PALS1: variants seen among roughly 807,000 people sequenced by gnomAD.
The protein encoded by PALS1 is protein associated with LIN7 1, MAGUK p55 family member.
A neutral mutation model predicts 78.9 loss-of-function variants in PALS1; 31 were observed. The ratio of observed to expected loss-of-function variants is 0.39; its 90% CI spans 0.30 to 0.53. The LOEUF (loss-of-function observed/expected upper bound fraction) is 0.53, where lower values mean the gene tolerates loss of function less well. PALS1 is among the 20% of genes least tolerant of loss of function. The probability of loss-of-function intolerance (pLI) is 0.67; values close to 1 mark genes in which losing one functional copy is unlikely to be tolerated. For synonymous variants in PALS1, 276 were observed against 270.9 expected, an observed-to-expected ratio of 1.02 and a Z score of -0.18; for missense variants, 704 against 826.5, an observed-to-expected ratio of 0.85 and a Z score of 1.82.
intron 1 of PALS1, among the ~76,000 whole-genome samples, chr14:67,254,921 C>G (rs1018476442): frequency 2.6e-5 from 4 of 152,174 alleles, no homozygotes; most frequent in African/African-American, 9.7e-5. Flanking sequence ...GAGGCCAAGG[C>G]GGGCAGATCA....
At chr14:67,288,589 C>G (rs1018156461) in intron 3 of PALS1, among the ~76,000 whole-genome samples, 1 of 152,172 alleles carries the variant, frequency 6.6e-6, no homozygotes, top group African/African-American at 2.4e-5. Flanking sequence ...TTATGCAAAG[C>G]TTAACTGCTT....
intron 13 of PALS1, among the ~76,000 whole-genome samples, chr14:67,322,787 A>G (rs1336925786): frequency 6.6e-6 from 1 of 152,208 alleles, no homozygotes; most frequent in Non-Finnish European, 1.5e-5. Context: ...TGTTTTAATC[A>G]TCTTAATGTT....
At chr14:67,276,993 A>G (rs1215188230) in intron 2 of PALS1, among the ~76,000 whole-genome samples, 1 of 152,186 alleles carries the variant, frequency 6.6e-6, no homozygotes, top group Non-Finnish European at 1.5e-5. Context: ...AGTAATTGTT[A>G]TAGAGAGGGT....
intron 3 of PALS1, among the ~76,000 whole-genome samples, chr14:67,291,329 A>G (rs2084769791): frequency 6.6e-6 from 1 of 151,830 alleles, no homozygotes; most frequent in Admixed American, 6.6e-5. Flanking sequence ...CCTGGGTTCA[A>G]GTGATTCTCC....
chr14:67,246,799 G>C (rs1245087752), intron 1 of PALS1, among the ~76,000 whole-genome samples: 1 of 151,856 alleles, frequency 6.6e-6, no homozygotes, highest in South Asian at 2.1e-4. Flanking sequence ...TTATAAGCGC[G>C]CACCACCACG....
At chr14:67,242,702 A>G (rs896097880) in intron 1 of PALS1, among the ~76,000 whole-genome samples, 1 of 151,974 alleles carries the variant, frequency 6.6e-6, no homozygotes, top group African/African-American at 2.4e-5. Context: ...TTGCGGCAGG[A>G]TGAGCTATTA....
intron 2 of PALS1, among the ~76,000 whole-genome samples, chr14:67,277,780 A>C (rs1220134873): frequency 6.6e-6 from 1 of 152,168 alleles, no homozygotes; most frequent in Non-Finnish European, 1.5e-5. Flanking sequence ...TAATTAATGT[A>C]AGTATACATT....
rs1048237322 is a variant in PALS1, at chr14:67,333,499, T to C, written c.*543T>C. On this transcript the variant is annotated 3_prime_UTR_variant, in exon 15 of 15. Coordinates refer to ENST00000261681, the MANE Select transcript of PALS1 (RefSeq NM_022474.4). ...AATAAAAAACAAAATGGTGCCACTT[T>C]GGGTTGAAGCTACTTTGTTAGGCTT... is the stretch of plus-strand genomic sequence containing the variant. 3 of 152,634 alleles carry C rather than the reference T, an allele frequency of 2.0e-5. No homozygotes were observed. Among genetic ancestry groups the C allele is most frequent in the Admixed American group, 6.5e-5 (1 of 15,280 alleles). The allele number at this position is 152,634 out of a possible 1,614,324, so 9.5% of individuals were successfully genotyped here. A position where few individuals can be genotyped will look rare whatever the true frequency, so the allele number is the denominator to read the frequency against.
chr14:67,324,029 G>A (rs1013586546), intron 14 of PALS1, among the ~76,000 whole-genome samples: 9 of 152,156 alleles, frequency 5.9e-5, no homozygotes, highest in African/African-American at 1.9e-4. Flanking sequence ...ACCTTTGAGC[G>A]TCTTCACATG....
intron 14 of PALS1, among the ~76,000 whole-genome samples, chr14:67,332,237 G>GATAA (rs2085461332): frequency 6.6e-6 from 1 of 152,068 alleles, no homozygotes; most frequent in South Asian, 2.1e-4. Context: ...TTTGTAAAAT[G>GATAA]GCCCTTTCCT....
Position 67,305,124 on chromosome 14 carries a change from T to A in PALS1, c.1041+1525T>A, listed in dbSNP as rs560658797. On this transcript the variant is annotated intron_variant, in intron 8 of 14. Coordinates refer to ENST00000261681, the MANE Select transcript of PALS1 (RefSeq NM_022474.4). ...TCTGTGCATTGTGCTGTTCCCTGTA[T>A]CTCTTCTGTGTATAAGCCCTGAACT... 3.3e-5 allele frequency among the ~76,000 whole-genome samples: 5 copies of A among 152,334 alleles called. No individual in the cohort carries two copies. In the South Asian group the frequency reaches 1.0e-3, roughly 32 times the overall value.
intron 8 of PALS1, among the ~76,000 whole-genome samples, chr14:67,305,642 G>C (rs1212234122): frequency 6.6e-6 from 1 of 152,186 alleles, no homozygotes; most frequent in Non-Finnish European, 1.5e-5. Context: ...TTCTGTAAAA[G>C]AAAAGCCATT....
rs576065366 is a variant in PALS1, at chr14:67,278,497, A to T, written c.-153-521A>T. 1.3e-3 allele frequency among the ~76,000 whole-genome samples: 193 copies of T among 152,300 alleles called. 11 individuals carry two copies. The South Asian group carries it at 0.039, about 30-fold the overall frequency. ...TCTCAAAAACTCTTAAAGATGAATT[A>T]TCCCCCAGAATACTGCTTGTATTTC... On this transcript the variant is annotated intron_variant, in intron 2 of 14. Transcript: ENST00000261681.
At chr14:67,253,681 CA>C (rs1340196276) in intron 1 of PALS1, among the ~76,000 whole-genome samples, 1 of 151,906 alleles carries the variant, frequency 6.6e-6, no homozygotes, top group Non-Finnish European at 1.5e-5. Flanking sequence ...CCTGTACCTA[CA>C]AAAAATACAA....
At chr14:67,306,827 T>C (rs1253238374) in intron 8 of PALS1, among the ~76,000 whole-genome samples, 3 of 152,236 alleles carry the variant, frequency 2.0e-5, no homozygotes, top group Admixed American at 2.0e-4. Context: ...GGTTGACATA[T>C]GCAGAATAAT....
At chr14:67,296,384 A>C (rs1039981126) in intron 4 of PALS1, among the ~76,000 whole-genome samples, 1 of 152,020 alleles carries the variant, frequency 6.6e-6, no homozygotes, top group Non-Finnish European at 1.5e-5. Context: ...GCAGATCACG[A>C]GGTCAGGAGA....
At chr14:67,257,041 A>G (rs967648579) in intron 1 of PALS1, among the ~76,000 whole-genome samples, 2 of 152,122 alleles carry the variant, frequency 1.3e-5, no homozygotes, top group African/African-American at 4.8e-5. Context: ...TTAGGGAGAC[A>G]TGAGACATCA....
chr14:67,298,120 C>CTTAGATTTAATACTAAGGA (rs1246815899), intron 4 of PALS1, among the ~76,000 whole-genome samples: 155 of 152,148 alleles, frequency 1.0e-3, no homozygotes, highest in Non-Finnish European at 1.5e-3. Context: ...GGTGATGGTC[C>CTTAGATTTAATACTAAGGA]TTAGATTTAA....
intron 4 of PALS1, among the ~76,000 whole-genome samples, chr14:67,293,968 G>C (rs2084808699): frequency 6.6e-6 from 1 of 152,042 alleles, no homozygotes; most frequent in South Asian, 2.1e-4. Context: ...GTGGAAAGAA[G>C]GGAGAAAAGA....
Sources: gnomAD v4.1 joint callset for allele counts (sites outside exome capture counted in the v4.1 genomes callset) on GRCh38, gnomAD v4.1.1 for gene constraint, MANE v1.5 for transcripts, NCBI Gene and HGNC (gene_info 2026-07-23, HGNC 2026-07-21) for gene names.